TSPEAR: variants seen among roughly 807,000 people sequenced by gnomAD.
The protein encoded by TSPEAR is thrombospondin type laminin G domain and EAR repeats.
TSPEAR carries 69 observed loss-of-function variants against 71.6 expected under a neutral mutation model. The observed-to-expected ratio is 0.96, with a 90% CI of 0.79 to 1.18. The LOEUF is 1.18. TSPEAR is among the 50% of genes most tolerant of loss of function. TSPEAR has a pLI of 0.00. For synonymous variants in TSPEAR, 402 were observed against 387.2 expected, an observed-to-expected ratio of 1.04 and a Z score of -0.45; for missense variants, 971 against 894.9, an observed-to-expected ratio of 1.09 and a Z score of -1.09.
intron 1 of TSPEAR, among the ~76,000 whole-genome samples, chr21:44,694,632 A>G (rs944345619): frequency 7.9e-5 from 12 of 152,260 alleles, no homozygotes; most frequent in Admixed American, 7.8e-4. Flanking sequence ...TATGTTATAT[A>G]TATTTTATCA....
At position 44,602,842 on chromosome 21, in the gene TSPEAR, C is replaced by A. The variant is rs1390983020; in HGVS notation, c.83-34837G>T. 2.0e-5 allele frequency among the ~76,000 whole-genome samples: 3 copies of A among 152,266 alleles called. No individual in the cohort carries two copies. The East Asian group carries it at 5.8e-4, about 29-fold the overall frequency. The stretch of plus-strand genomic sequence containing the variant: ...GTGCCCCTGGACTCGGCCCCAGGAA[C>A]CTTTCCCTTGGTTGATTTTGCTCAG... On this transcript the variant is annotated intron_variant, in intron 1 of 11. Coordinates refer to ENST00000323084, the MANE Select transcript of TSPEAR (RefSeq NM_144991.3).
rs1555950285 is a variant in TSPEAR, at chr21:44,695,019, C to G, written c.82+16414G>C. ...CGTGCTTTGCCCCAACCCTCCAGGC[C>G]TCTGCCACAGGCTGGAGGAGCTGCT... On this transcript the variant is annotated intron_variant, in intron 1 of 11. Coordinates refer to ENST00000323084, the MANE Select transcript of TSPEAR (RefSeq NM_144991.3). The surrounding 1 kb of genome is among the most constrained non-coding windows in gnomAD (Gnocchi z 4.5). 6.6e-6 allele frequency among the ~76,000 whole-genome samples: 1 copy of G among 152,260 alleles called. No homozygotes were observed. Among genetic ancestry groups the G allele is most frequent in the African/African-American group, 2.4e-5 (1 of 41,464 alleles).
intron 1 of TSPEAR, among the ~76,000 whole-genome samples, chr21:44,656,427 A>G (rs1312247976): frequency 6.6e-6 from 1 of 151,864 alleles, no homozygotes; most frequent in African/African-American, 2.4e-5. Context: ...GTTTTGAAGG[A>G]TTTTTTTCAT....
At chr21:44,555,801 C>A in intron 2 of TSPEAR, among the ~76,000 whole-genome samples, 1 of 152,194 alleles carries the variant, frequency 6.6e-6, no homozygotes, top group East Asian at 1.9e-4. Flanking sequence ...TCCTGCCATG[C>A]CTGCTCCCCT....
chr21:44,507,328 C>T (rs1243332995), intron 10 of TSPEAR, among the ~76,000 whole-genome samples: 2 of 152,194 alleles, frequency 1.3e-5, no homozygotes, highest in African/African-American at 2.4e-5. Flanking sequence ...ACACAAGCGA[C>T]CATTTGAAGG....
At chr21:44,537,889 A>G (rs1349096920) in intron 2 of TSPEAR, among the ~76,000 whole-genome samples, 2 of 152,254 alleles carry the variant, frequency 1.3e-5, no homozygotes, top group Non-Finnish European at 2.9e-5. Flanking sequence ...CATTTAGGCC[A>G]TAGTGGGTTC....
chr21:44,639,507 T>G (rs1983898403), intron 1 of TSPEAR, among the ~76,000 whole-genome samples: 2 of 151,562 alleles, frequency 1.3e-5, no homozygotes, highest in South Asian at 4.2e-4. Context: ...TCCCCAGGGC[T>G]GGTGGCCAAA....
chr21:44,618,186 A>G (rs1555932920), intron 1 of TSPEAR, among the ~76,000 whole-genome samples: 1 of 152,144 alleles, frequency 6.6e-6, no homozygotes, highest in African/African-American at 2.4e-5. Flanking sequence ...GGTTTCCCCC[A>G]TGCTGTTGTA....
chr21:44,514,045 G>A (rs1475550386), intron 9 of TSPEAR, among the ~76,000 whole-genome samples: 2 of 152,200 alleles, frequency 1.3e-5, no homozygotes, highest in African/African-American at 4.8e-5. Context: ...CCTTCCCCAA[G>A]CTGCCTAGGC....
chr21:44,529,013 A>G (rs2052912922), intron 5 of TSPEAR, among the ~76,000 whole-genome samples: 1 of 152,196 alleles, frequency 6.6e-6, no homozygotes, highest in Non-Finnish European at 1.5e-5. Flanking sequence ...ACACCCCACC[A>G]TGGGTCCTAA....
At chr21:44,594,985 C>A (rs1454178306) in intron 1 of TSPEAR, among the ~76,000 whole-genome samples, 41 of 152,042 alleles carry the variant, frequency 2.7e-4, no homozygotes, top group Admixed American at 2.7e-3. Context: ...CCATGCCTGG[C>A]TAATTTTTGT....
At chr21:44,667,708 G>C (rs1985861074) in intron 1 of TSPEAR, among the ~76,000 whole-genome samples, 1 of 152,186 alleles carries the variant, frequency 6.6e-6, no homozygotes, top group African/African-American at 2.4e-5. Context: ...TCAGCAGAAA[G>C]CCATGTGCAC....
intron 1 of TSPEAR, among the ~76,000 whole-genome samples, chr21:44,587,959 C>T (rs1349431138): frequency 2.6e-5 from 4 of 152,180 alleles, no homozygotes; most frequent in African/African-American, 7.2e-5. Flanking sequence ...TAGATATTGG[C>T]TTAGGCAAGG....
At chr21:44,637,638 G>A (rs1555937172) in intron 1 of TSPEAR, 1 of 1,613,726 alleles carries the variant, frequency 6.2e-7, no homozygotes, top group Non-Finnish European at 8.5e-7. Flanking sequence ...ACAACCCCAT[G>A]CTACCAGCAG....
intron 1 of TSPEAR, among the ~76,000 whole-genome samples, chr21:44,586,165 A>T (rs1392523181): frequency 6.6e-6 from 1 of 152,242 alleles, no homozygotes; most frequent in African/African-American, 2.4e-5. Context: ...CTCAACCCTC[A>T]GTTAAAGACG....
rs782793019 is a variant in TSPEAR at position 44,646,804 on chromosome 21, G to A, written c.82+64629C>T. 19 of 1,612,656 alleles carry A rather than the reference G, an allele frequency of 1.2e-5. No individual in the cohort carries two copies. The highest frequency in any genetic ancestry group is 1.6e-5 in the Non-Finnish European group (19 of 1,179,404). Reference sequence around the variant, plus strand: ...TGTCTGCTGCAAGCCTGTGTGCTGTGTGCCTGTCTGCTGTGGGGCTGCTTC... The same window carrying A: ...TGTCTGCTGCAAGCCTGTGTGCTGTATGCCTGTCTGCTGTGGGGCTGCTTC... On this transcript the variant is annotated intron_variant, in intron 1 of 11. Coordinates refer to ENST00000323084, the MANE Select transcript of TSPEAR (RefSeq NM_144991.3).
At chr21:44,580,195 C>A (rs782386606) in intron 1 of TSPEAR, 9 of 1,613,884 alleles carry the variant, frequency 5.6e-6, no homozygotes, top group Non-Finnish European at 7.6e-6. Flanking sequence ...CACAGCAGGA[C>A]TGCTGGCAGG....
intron 1 of TSPEAR, among the ~76,000 whole-genome samples, chr21:44,606,338 G>A (rs1035431386): frequency 6.6e-6 from 1 of 152,168 alleles, no homozygotes; most frequent in Admixed American, 6.5e-5. Context: ...CCTCACACTT[G>A]TCAGAATGGT....
intron 1 of TSPEAR, among the ~76,000 whole-genome samples, chr21:44,632,821 G>A (rs1384820386): frequency 1.3e-5 from 2 of 152,194 alleles, no homozygotes; most frequent in Non-Finnish European, 2.9e-5. Flanking sequence ...TCCAGCCTGG[G>A]TGGCAGTGCA....
Sources: gnomAD v4.1 joint callset for allele counts (sites outside exome capture counted in the v4.1 genomes callset) on GRCh38, gnomAD v4.1.1 for gene constraint, Gnocchi (gnomAD v3.1) non-coding constraint, MANE v1.5 for transcripts, NCBI Gene and HGNC (gene_info 2026-07-23, HGNC 2026-07-21) for gene names.